USP34: variants seen among roughly 807,000 people sequenced by gnomAD.
The protein encoded by USP34 is ubiquitin specific peptidase 34, also known as ubiquitin carboxyl-terminal hydrolase 34.
Under a neutral mutation model 460.3 loss-of-function variants are expected in USP34, and 70 were observed. The ratio of observed to expected loss-of-function variants is 0.15; its 90% CI spans 0.13 to 0.19. The LOEUF is 0.19. USP34 is among the 10% of genes least tolerant of loss of function. The pLI is 1.00. For missense variants in USP34, 3,985 were observed against 4,236.2 expected (o/e 0.94, Z 1.65); for synonymous variants, 1,647 against 1,405.3 (o/e 1.17, Z -3.85).
intron 10 of USP34, among the ~76,000 whole-genome samples, chr2:61,365,325 G>A (rs2103822933): frequency 6.6e-6 from 1 of 151,622 alleles, no homozygotes; most frequent in East Asian, 2.0e-4. Context: ...GTGTGTGTGT[G>A]TGTATATATG....
In USP34 at chr2:61,378,913, G is replaced by GAAAAAAAAAAAAAA. The variant is rs34463913; in HGVS notation, c.1015-503_1015-490dup. On this transcript the variant is annotated intron_variant, in intron 7 of 79. Coordinates refer to ENST00000398571, the MANE Select transcript of USP34 (RefSeq NM_014709.4). ...GAGTGAGAGTCCATCTCAAAAAAAC[G>GAAAAAAAAAAAAAA]AAAAAAAAAAAAAAAAAAAAAAAAC... Among the ~76,000 whole-genome samples the GAAAAAAAAAAAAAA allele has an allele frequency of 2.9e-4, 17 of 57,870 alleles. 2 individuals are homozygous for GAAAAAAAAAAAAAA. Among genetic ancestry groups the GAAAAAAAAAAAAAA allele is most frequent in the Admixed American group, 6.8e-4 (2 of 2,954 alleles). 38.0% of individuals were successfully genotyped at this position (57,870 alleles called of 152,430 possible).
At chr2:61,278,067 T>C in intron 41 of USP34, 98 bp downstream of exon 41, 5 of 1,399,100 alleles carry the variant, frequency 3.6e-6, no homozygotes, top group Non-Finnish European at 3.9e-6. Context: ...GTCTCGGGTA[T>C]GCCTTTATGA....
intron 2 of USP34, among the ~76,000 whole-genome samples, chr2:61,408,875 C>G (rs933690336): frequency 6.6e-6 from 1 of 151,858 alleles, no homozygotes; most frequent in Non-Finnish European, 1.5e-5. Flanking sequence ...GCCTGGGAGA[C>G]AGAGTGAGAC....
rs1192293415 is a variant in USP34 at position 61,192,860 on chromosome 2, A to G, written c.9588+41T>C. The G allele has an allele frequency of 3.9e-6, 6 of 1,543,084 alleles. No individual in the cohort carries two copies. The African/African-American group carries it at 6.9e-5, about 18-fold the overall frequency. On this transcript the variant is annotated intron_variant, in intron 76 of 79. Transcript: ENST00000398571. ...CTAAAATTATTGACCACTTGGTCAG[A>G]TAAGATTAAAGACCAATCATCTAAA...
Position 61,470,724 on chromosome 2 carries a change from T to A in USP34, c.-32A>T. The A allele has an allele frequency of 6.4e-7, 1 of 1,567,254 alleles. No homozygotes were observed. Among genetic ancestry groups the A allele is most frequent in the South Asian group, 1.1e-5 (1 of 88,682 alleles). Reference sequence around the variant, plus strand: ...GCCGCCGCCCCCCCCCTCCCCCGCTTCGGATCACACTGACTGATCCCGACC... The same window carrying A: ...GCCGCCGCCCCCCCCCTCCCCCGCTACGGATCACACTGACTGATCCCGACC... On this transcript the variant is annotated 5_prime_UTR_variant, in exon 1 of 80. Transcript: ENST00000398571.
chr2:61,192,939 G>C lies in USP34; in HGVS notation c.9550C>G (p.Leu3184Val). Reference sequence around the variant, plus strand: ...AGCTCAGTCCAAAGTTTGGGGAACAGTGCAAGATGAAGTGGCAAACCTTCA... The same window carrying C: ...AGCTCAGTCCAAAGTTTGGGGAACACTGCAAGATGAAGTGGCAAACCTTCA... Reference protein sequence around the residue: ...AYEGLPLHLALFPKLWTELCQ... With the variant: ...AYEGLPLHLAVFPKLWTELCQ... Residue 3184 changes from leucine to valine, a missense_variant, in exon 76 of 80, where the codon CTG (leucine) becomes GTG (valine). Around this residue, in one of 14 missense-constraint regions of USP34, gnomAD observed 506 missense variants for 439.0 expected, o/e 1.15. Transcript: ENST00000398571. 4 of 1,613,950 alleles carry C rather than the reference G, an allele frequency of 2.5e-6. No individual in the cohort carries two copies. The highest frequency in any genetic ancestry group is 3.4e-6 in the Non-Finnish European group (4 of 1,179,876).
At chr2:61,350,194 G>A in intron 12 of USP34, 66 bp downstream of exon 12, 1 of 1,495,092 alleles carries the variant, frequency 6.7e-7, no homozygotes, top group Non-Finnish European at 9.0e-7. Flanking sequence ...TGTATTAGCA[G>A]AAAATATTTC....
chr2:61,224,412 C>T lies in USP34; in HGVS notation c.7596-1116G>A, dbSNP rs1687671981. 2.0e-5 allele frequency among the ~76,000 whole-genome samples: 3 copies of T among 152,146 alleles called. No individual in the cohort carries two copies. In the South Asian group the frequency reaches 6.2e-4, roughly 32 times the overall value. The stretch of plus-strand genomic sequence containing the variant: ...GATCTAGGTTTGACTTTTTAATTAA[C>T]AGTATCTTGTAGAAGGCACACAATG... On this transcript the variant is annotated intron_variant, in intron 62 of 79. Transcript: ENST00000398571.
At chr2:61,466,849 T>C (rs559172384) in intron 1 of USP34, among the ~76,000 whole-genome samples, 11 of 151,068 alleles carry the variant, frequency 7.3e-5, no homozygotes, top group Admixed American at 5.3e-4. Flanking sequence ...GAGGTGGAGG[T>C]TGCAGCTAGC....
intron 43 of USP34, among the ~76,000 whole-genome samples, chr2:61,264,638 C>T (rs572785172): frequency 1.3e-5 from 2 of 152,016 alleles, no homozygotes; most frequent in East Asian, 3.9e-4. Flanking sequence ...CTGAGTCCTG[C>T]CTCAAAAAAA....
In USP34 at chr2:61,470,796, C is replaced by A; in HGVS notation, c.-104G>T. 1.7e-6 allele frequency: 1 copy of A among 590,182 alleles called. No individual in the cohort carries two copies. Among genetic ancestry groups the A allele is most frequent in the Non-Finnish European group, 2.4e-6 (1 of 415,754 alleles). The allele number at this position is 590,182 out of a possible 1,614,324, so 36.6% of individuals were successfully genotyped here. ...GCGGAGGAGGGGGCCGGCCGGCCGG[C>A]GGGGCGGGGAGGCGACTAGGGCGGG... is the stretch of plus-strand genomic sequence containing the variant. On this transcript the variant is annotated 5_prime_UTR_variant, in exon 1 of 80. Transcript: ENST00000398571.
intron 1 of USP34, among the ~76,000 whole-genome samples, chr2:61,440,858 T>G (rs1172245907): frequency 6.6e-6 from 1 of 150,560 alleles, no homozygotes. Flanking sequence ...TCGGGTGCAG[T>G]GGCTCACGCC....
chr2:61,339,698 A>G lies in USP34; in HGVS notation c.2501-17T>C, dbSNP rs755551430. On this transcript the variant is annotated splice_polypyrimidine_tract_variant and intron_variant, in intron 16 of 79. Transcript: ENST00000398571. ...CTACAGGTCCTGAAGAGAAAAAAAA[A>G]AAAAAGACACACTATAGAGAAATGC... is the stretch of plus-strand genomic sequence containing the variant. 7.2e-7 allele frequency: 1 copy of G among 1,386,584 alleles called. No homozygotes were observed. Among genetic ancestry groups the G allele is most frequent in the Non-Finnish European group, 9.5e-7 (1 of 1,047,236 alleles). The allele number at this position is 1,386,584 out of a possible 1,614,324, so 85.9% of individuals were successfully genotyped here.
At chr2:61,194,807 G>A (rs1042751861) in intron 75 of USP34, among the ~76,000 whole-genome samples, 2 of 152,178 alleles carry the variant, frequency 1.3e-5, no homozygotes, top group African/African-American at 4.8e-5. Flanking sequence ...TACAAAACTA[G>A]CAGGGCGTGG....
intron 2 of USP34, chr2:61,416,829 G>GGGGA (rs1553386511): frequency 2.6e-6 from 1 of 389,134 alleles, no homozygotes; most frequent in East Asian, 4.0e-5. Context: ...TTTGGGGGGG[G>GGGGA]GGACAGGAAG....
rs190012605 is a variant in USP34 at position 61,394,626 on chromosome 2, T to C, written c.753+227A>G. On this transcript the variant is annotated intron_variant, in intron 5 of 79. Transcript: ENST00000398571. ...CTATCTTAGATAAAATAGATAATTA[T>C]AGATAGTCATGACCCCTTTTAGCTT... is the stretch of plus-strand genomic sequence containing the variant. Among the ~76,000 whole-genome samples the C allele has an allele frequency of 5.3e-5, 8 of 151,570 alleles. No individual in the cohort carries two copies. The East Asian group carries it at 1.5e-3, about 29-fold the overall frequency.
chr2:61,328,171 A>G (rs1691153610), intron 20 of USP34, among the ~76,000 whole-genome samples: 1 of 151,922 alleles, frequency 6.6e-6, no homozygotes, highest in South Asian at 2.1e-4. Context: ...GTGCAGTGGC[A>G]GGCACCTGGA....
At chr2:61,397,495 G>A (rs927093771) in intron 3 of USP34, among the ~76,000 whole-genome samples, 1 of 151,736 alleles carries the variant, frequency 6.6e-6, no homozygotes, top group Non-Finnish European at 1.5e-5. Context: ...GCCAGGCCCG[G>A]TGGCTCACAC....
intron 3 of USP34, among the ~76,000 whole-genome samples, chr2:61,402,614 C>G (rs1055491507): frequency 6.6e-6 from 1 of 152,128 alleles, no homozygotes. Context: ...ACACAGCTAT[C>G]AAAATACTAA....
Sources: gnomAD v4.1 joint callset for allele counts (sites outside exome capture counted in the v4.1 genomes callset) on GRCh38, gnomAD v4.1.1 for gene constraint, gnomAD v4.1.1 regional missense constraint, MANE v1.5 for transcripts, NCBI Gene and HGNC (gene_info 2026-07-23, HGNC 2026-07-21) for gene names.